The following ATP8A2 variants were observed in gnomAD, a reference collection of about 807,000 sequenced individuals.
ATP8A2 encodes ATPase phospholipid transporting 8A2.
In ATP8A2, 100 loss-of-function variants were observed where a neutral mutation model predicts 165.6. The observed-to-expected ratio is 0.60, with a 90% CI of 0.51 to 0.71. The LOEUF is 0.71. ATP8A2 is among the 30% of genes least tolerant of loss of function. The probability of loss-of-function intolerance (pLI) is 0.00; values close to 1 mark genes in which losing one functional copy is unlikely to be tolerated. For synonymous variants in ATP8A2, 543 were observed against 548.8 expected, an observed-to-expected ratio of 0.99 and a Z score of 0.15; for missense variants, 1,227 against 1,479.5, an observed-to-expected ratio of 0.83 and a Z score of 2.80.
chr13:25,528,589 T>G (rs925955900), intron 2 of ATP8A2, among the ~76,000 whole-genome samples: 5 of 152,212 alleles, frequency 3.3e-5, no homozygotes, highest in Non-Finnish European at 7.3e-5. Context: ...TGGTGTATTC[T>G]GTCTCCTGAG....
intron 24 of ATP8A2, among the ~76,000 whole-genome samples, chr13:25,682,839 G>GACA (rs920690506): frequency 9.9e-5 from 15 of 152,144 alleles, no homozygotes; most frequent in Non-Finnish European, 1.9e-4. Flanking sequence ...ACAGGGGTTG[G>GACA]AGCTCAGGGT....
chr13:25,614,999 G>C (rs936850802), intron 24 of ATP8A2, among the ~76,000 whole-genome samples: 15 of 152,220 alleles, frequency 9.9e-5, no homozygotes, highest in Non-Finnish European at 1.6e-4. Flanking sequence ...ACTTTCAAGA[G>C]ACCATCGGCT....
chr13:25,535,539 C>T (rs186064096), intron 6 of ATP8A2, among the ~76,000 whole-genome samples: 9 of 152,222 alleles, frequency 5.9e-5, no homozygotes, highest in Admixed American at 3.9e-4. Context: ...ATTTCCAGGC[C>T]GGGCATGCTC....
chr13:25,892,600 T>TCC (rs1555286195), intron 33 of ATP8A2, among the ~76,000 whole-genome samples: 2 of 151,140 alleles, frequency 1.3e-5, no homozygotes, highest in Admixed American at 6.6e-5. Context: ...TCTCTCTCTC[T>TCC]CCCTCCTCCT....
At chr13:25,373,422 T>C (rs1364255004) in intron 1 of ATP8A2, among the ~76,000 whole-genome samples, 4 of 152,100 alleles carry the variant, frequency 2.6e-5, no homozygotes, top group Non-Finnish European at 2.9e-5. Context: ...AATCCCAGCC[T>C]GAAGGGGTCA....
At chr13:25,956,702 A>T (rs1263038833) in intron 33 of ATP8A2, among the ~76,000 whole-genome samples, 2 of 152,228 alleles carry the variant, frequency 1.3e-5, no homozygotes, top group East Asian at 3.8e-4. Context: ...TGCCAAAGTA[A>T]TTTATAGATT....
intron 1 of ATP8A2, among the ~76,000 whole-genome samples, chr13:25,418,091 C>T (rs750747759): frequency 9.2e-5 from 14 of 152,282 alleles, no homozygotes; most frequent in South Asian, 4.1e-4. Flanking sequence ...CCTATTCCTT[C>T]GGTGGCTTGC....
At chr13:25,742,516 A>G (rs2043935683) in intron 25 of ATP8A2, among the ~76,000 whole-genome samples, 1 of 152,040 alleles carries the variant, frequency 6.6e-6, no homozygotes. Flanking sequence ...AATGTTTTCT[A>G]CTTCCTCCCC....
chr13:25,810,790 T>C (rs771781187), intron 27 of ATP8A2, among the ~76,000 whole-genome samples: 1 of 152,154 alleles, frequency 6.6e-6, no homozygotes, highest in African/African-American at 2.4e-5. Context: ...GAGCTGGATG[T>C]ACACGCAGTT....
At chr13:25,622,754 T>C (rs993865307) in intron 24 of ATP8A2, among the ~76,000 whole-genome samples, 6 of 152,066 alleles carry the variant, frequency 3.9e-5, no homozygotes, top group Non-Finnish European at 8.8e-5. Context: ...GATACTTGGG[T>C]CCCATCCCCA....
intron 1 of ATP8A2, among the ~76,000 whole-genome samples, chr13:25,387,499 T>C (rs992778454): frequency 3.9e-5 from 6 of 152,082 alleles, no homozygotes; most frequent in African/African-American, 1.4e-4. Flanking sequence ...TCCACTTCTG[T>C]CGTTGGGATG....
intron 34 of ATP8A2, among the ~76,000 whole-genome samples, chr13:25,966,237 A>G (rs1296594365): frequency 6.6e-6 from 1 of 152,146 alleles, no homozygotes; most frequent in Non-Finnish European, 1.5e-5. Flanking sequence ...CAAGCCCTGG[A>G]CCACTGGGCA....
At chr13:25,591,999 G>T (rs1307659007) in intron 24 of ATP8A2, among the ~76,000 whole-genome samples, 1 of 147,648 alleles carries the variant, frequency 6.8e-6, no homozygotes, top group African/African-American at 2.5e-5. Context: ...TATATGGTTT[G>T]TGATTTTTCC....
At chr13:25,422,961 A>G (rs952117937) in intron 1 of ATP8A2, among the ~76,000 whole-genome samples, 1 of 152,204 alleles carries the variant, frequency 6.6e-6, no homozygotes, top group Admixed American at 6.5e-5. Context: ...GTTATCAGGC[A>G]TACATGAATG....
intron 16 of ATP8A2, among the ~76,000 whole-genome samples, chr13:25,567,953 G>A (rs1304851738): frequency 2.6e-5 from 4 of 152,206 alleles, no homozygotes; most frequent in Admixed American, 2.6e-4. Context: ...AAGTATTTGA[G>A]GATTTGCGGC....
At chr13:25,661,693 T>A (rs12877697) in intron 24 of ATP8A2, among the ~76,000 whole-genome samples, 38,823 of 152,138 alleles carry the variant, frequency 0.26, 5,276 homozygotes, top group South Asian at 0.47. Flanking sequence ...ATTATCTGAA[T>A]CATGGATAGT....
At chr13:25,734,461 A>T (rs2043723021) in intron 25 of ATP8A2, among the ~76,000 whole-genome samples, 3 of 152,224 alleles carry the variant, frequency 2.0e-5, no homozygotes. Context: ...CTGATATAGT[A>T]CTTTATAGTT....
chr13:25,395,832 T>A lies in ATP8A2; in HGVS notation c.76+23544T>A, dbSNP rs541644980. Among the ~76,000 whole-genome samples, 16 of 152,226 alleles carry A rather than the reference T, an allele frequency of 1.1e-4. 1 individual carries two copies. In the South Asian group the frequency reaches 3.3e-3, roughly 32 times the overall value. On this transcript the variant is annotated intron_variant, in intron 1 of 36. Coordinates refer to ENST00000381655, the MANE Select transcript of ATP8A2 (RefSeq NM_016529.6). The stretch of plus-strand genomic sequence containing the variant: ...AATTACAGGCACGAGCCACTGTGTC[T>A]GGCTGATCCAATTTTTCTTTCTTTT...
intron 25 of ATP8A2, among the ~76,000 whole-genome samples, chr13:25,734,716 G>A (rs2043728987): frequency 6.6e-6 from 1 of 152,224 alleles, no homozygotes; most frequent in South Asian, 2.1e-4. Context: ...TCAGCTCACT[G>A]CAACCCCCGG....
Sources: allele counts gnomAD v4.1 joint callset (sites outside exome capture counted in the v4.1 genomes callset), GRCh38; gene constraint gnomAD v4.1.1; transcripts MANE v1.5; gene names NCBI Gene and HGNC (gene_info 2026-07-23, HGNC 2026-07-21).